JAKMIP2: variants seen among roughly 807,000 people sequenced by gnomAD.
JAKMIP2 encodes the protein janus kinase and microtubule-interacting protein 2.
A neutral mutation model predicts 115.0 loss-of-function variants in JAKMIP2; 25 were observed. The ratio of observed to expected loss-of-function variants is 0.22; its 90% CI spans 0.16 to 0.30. The LOEUF is 0.30. JAKMIP2 is among the 10% of genes least tolerant of loss of function. The pLI is 1.00. For missense variants in JAKMIP2, 642 were observed against 957.6 expected (o/e 0.67, Z 4.35); for synonymous variants, 334 against 343.6 (o/e 0.97, Z 0.31).
At chr5:147,744,005 TCC>T (rs1754254112) in intron 1 of JAKMIP2, among the ~76,000 whole-genome samples, 1 of 70,364 alleles carries the variant, frequency 1.4e-5, no homozygotes, top group African/African-American at 6.9e-5. Flanking sequence ...CTTCTTTCCT[TCC>T]TTCCTTCCTT....
chr5:147,728,684 T>G (rs1300083467), intron 1 of JAKMIP2, among the ~76,000 whole-genome samples: 1 of 152,230 alleles, frequency 6.6e-6, no homozygotes. Context: ...TTAGTTCACA[T>G]GACTTAAATA....
chr5:147,640,476 T>C (rs1262258731), intron 9 of JAKMIP2, among the ~76,000 whole-genome samples: 6 of 152,182 alleles, frequency 3.9e-5, no homozygotes, highest in African/African-American at 1.4e-4. Context: ...GAAAGAAGTC[T>C]TCAAATTAGA....
intron 1 of JAKMIP2, among the ~76,000 whole-genome samples, chr5:147,732,233 A>G (rs1753761255): frequency 6.6e-6 from 1 of 151,520 alleles, no homozygotes; most frequent in African/African-American, 2.4e-5. Context: ...AGCACACTTA[A>G]TAGACTCTGT....
chr5:147,626,229 C>A (rs1490448777), intron 16 of JAKMIP2, among the ~76,000 whole-genome samples: 2 of 152,198 alleles, frequency 1.3e-5, no homozygotes, highest in Non-Finnish European at 2.9e-5. Flanking sequence ...GCTGAACAGA[C>A]CATGAGCACT....
chr5:147,741,316 G>T (rs1754134201), intron 1 of JAKMIP2, among the ~76,000 whole-genome samples: 1 of 151,968 alleles, frequency 6.6e-6, no homozygotes, highest in Non-Finnish European at 1.5e-5. Context: ...TTCAAAAAAA[G>T]AAATTTTCCA....
At chr5:147,654,069 T>C (rs1414740281) in intron 3 of JAKMIP2, among the ~76,000 whole-genome samples, 1 of 152,164 alleles carries the variant, frequency 6.6e-6, no homozygotes, top group Admixed American at 6.5e-5. Context: ...CATTGGTCTA[T>C]ATATCTGTTT....
intron 1 of JAKMIP2, among the ~76,000 whole-genome samples, chr5:147,697,050 T>C (rs6869450): frequency 0.28 from 41,958 of 151,864 alleles, 6,719 homozygotes; most frequent in East Asian, 0.5. Context: ...CGGGGAGAAA[T>C]CTAAGCCTGC....
At chr5:147,629,615 AC>A (rs1159902040) in intron 15 of JAKMIP2, 77 bp downstream of exon 15, 2 of 983,408 alleles carry the variant, frequency 2.0e-6, no homozygotes, top group African/African-American at 3.2e-5. Flanking sequence ...CTCTTACTTT[AC>A]ACATGATGCA....
At chr5:147,707,424 C>T (rs1424396803) in intron 1 of JAKMIP2, among the ~76,000 whole-genome samples, 1 of 152,056 alleles carries the variant, frequency 6.6e-6, no homozygotes, top group Non-Finnish European at 1.5e-5. Context: ...GTACATGCTA[C>T]AATAAGTATA....
chr5:147,635,010 A>G (rs907988201), intron 12 of JAKMIP2, among the ~76,000 whole-genome samples: 10 of 152,180 alleles, frequency 6.6e-5, no homozygotes, highest in African/African-American at 2.2e-4. Context: ...ATAATATGAG[A>G]TTATTTTGTA....
chr5:147,773,264 G>A (rs1314458033), intron 1 of JAKMIP2, among the ~76,000 whole-genome samples: 5 of 151,928 alleles, frequency 3.3e-5, no homozygotes, highest in East Asian at 3.9e-4. Context: ...CTGCTTCATC[G>A]GCTACTCTCT....
At chr5:147,600,565 T>C (rs1581265567) in intron 21 of JAKMIP2, among the ~76,000 whole-genome samples, 1 of 152,160 alleles carries the variant, frequency 6.6e-6, no homozygotes, top group Non-Finnish European at 1.5e-5. Context: ...ACATGAACCA[T>C]GATAAATGGA....
chr5:147,592,172 T>C (rs59864666), intron 21 of JAKMIP2, among the ~76,000 whole-genome samples: 2,110 of 152,312 alleles, frequency 0.014, 55 homozygotes, highest in African/African-American at 0.049. Context: ...TAGTACCCAA[T>C]AGGTAGTTTT....
At chr5:147,678,056 G>A (rs1305076808) in intron 1 of JAKMIP2, among the ~76,000 whole-genome samples, 2 of 152,102 alleles carry the variant, frequency 1.3e-5, no homozygotes, top group African/African-American at 2.4e-5. Flanking sequence ...CCAGGCTGGA[G>A]TGCAGTGGTG....
intron 14 of JAKMIP2, among the ~76,000 whole-genome samples, chr5:147,630,549 A>G (rs984389247): frequency 6.6e-6 from 1 of 152,126 alleles, no homozygotes; most frequent in Non-Finnish European, 1.5e-5. Context: ...AGTTTTCTCC[A>G]CTTTTTACCG....
At chr5:147,659,881 TAAC>T (rs926409121) in intron 3 of JAKMIP2, among the ~76,000 whole-genome samples, 27 of 152,260 alleles carry the variant, frequency 1.8e-4, no homozygotes, top group African/African-American at 6.0e-4. Flanking sequence ...AAATAAACAT[TAAC>T]TTTTAAAAAT....
At chr5:147,666,845 T>C (rs73270124) in intron 2 of JAKMIP2, among the ~76,000 whole-genome samples, 4,978 of 152,200 alleles carry the variant, frequency 0.033, 292 homozygotes, top group African/African-American at 0.11. Context: ...GATCAAAAGC[T>C]CTTTAGAAAA....
chr5:147,641,731 T>C lies in JAKMIP2; in HGVS notation c.1258A>G (p.Arg420Gly). 1.2e-6 allele frequency: 2 copies of C among 1,613,450 alleles called. No individual in the cohort carries two copies. The highest frequency in any genetic ancestry group is 1.1e-5 in the South Asian group (1 of 91,052). Residue 420 changes from arginine to glycine, a missense_variant, in exon 8 of 22, where the codon AGA (arginine) becomes GGA (glycine). Coordinates refer to ENST00000616793, the MANE Select transcript of JAKMIP2 (RefSeq NM_001270941.2). ...REKLIRRRKH[R>G]RSSKPIKRPV... ...ACCTTAATTGGCTTGGAACTTCTTC[T>C]ATGCTTTCTTCTACGGATGAGCTTT... is the stretch of plus-strand genomic sequence containing the variant.
chr5:147,637,808 CTGTG>C (rs1240118569), intron 10 of JAKMIP2, among the ~76,000 whole-genome samples: 1 of 151,990 alleles, frequency 6.6e-6, no homozygotes, highest in Non-Finnish European at 1.5e-5. Flanking sequence ...TTTTGTGTGT[CTGTG>C]TGTGTAAGTA....
Sources: gnomAD v4.1 joint callset for allele counts (sites outside exome capture counted in the v4.1 genomes callset) on GRCh38, gnomAD v4.1.1 for gene constraint, MANE v1.5 for transcripts, NCBI Gene and HGNC (gene_info 2026-07-23, HGNC 2026-07-21) for gene names.